The following NXPE4 variants were observed in gnomAD, a reference collection of about 807,000 sequenced individuals.
NXPE4 encodes neurexophilin and PC-esterase domain family member 4, also known as NXPE family member 4.
Under a neutral mutation model 33.3 loss-of-function variants are expected in NXPE4, and 42 were observed. The observed-to-expected ratio is 1.26, with a 90% CI of 0.98 to 1.63. The LOEUF (loss-of-function observed/expected upper bound fraction) is 1.63. Among genes scored for constraint, NXPE4 ranks in the 40% most tolerant of loss-of-function variants. The pLI is 0.00. For synonymous variants in NXPE4, 253 were observed against 234.9 expected (o/e 1.08, Z -0.71); for missense variants, 709 against 647.6 (o/e 1.09, Z -1.03).
chr11:114,613,156 T>C, the NXPE4 span, among the ~76,000 whole-genome samples: 2 of 151,532 alleles, frequency 1.3e-5, no homozygotes, highest in African/African-American at 2.4e-5. Flanking sequence ...ATAACGACTG[T>C]TACCCGATGG....
the NXPE4 span, among the ~76,000 whole-genome samples, chr11:114,602,138 A>G: frequency 9.6e-6 from 1 of 103,732 alleles, no homozygotes; most frequent in African/African-American, 4.0e-5. Context: ...TACATAACAT[A>G]TACTATATAT....
At chr11:114,668,236 G>A in the NXPE4 span, among the ~76,000 whole-genome samples, 1 of 151,988 alleles carries the variant, frequency 6.6e-6, no homozygotes, top group African/African-American at 2.4e-5. Context: ...TAGGATCTAT[G>A]TTAATTAAGG....
At chr11:114,614,419 T>A in the NXPE4 span, among the ~76,000 whole-genome samples, 4 of 151,948 alleles carry the variant, frequency 2.6e-5, no homozygotes, top group Non-Finnish European at 5.9e-5. Flanking sequence ...TGTTACCCAG[T>A]GGATAATAAG....
the NXPE4 span, among the ~76,000 whole-genome samples, chr11:114,653,094 T>G: frequency 6.6e-6 from 1 of 152,200 alleles, no homozygotes; most frequent in Non-Finnish European, 1.5e-5. Flanking sequence ...ATGTATAAAT[T>G]TTCAAAACAA....
In NXPE4 at chr11:114,582,586, AC is replaced by A. The variant is rs764525259; in HGVS notation, c.531del (p.Ser178LeufsTer25). ...FTLFWEGQVS[L>X]SLLLIHPSEG... is the part of the protein sequence containing the mutation. ...TCACTGGGGTGGATGAGCAGCAGAG[AC>A]AGAGAGACCTGGCCCTCCCAGAACA... is the stretch of plus-strand genomic sequence containing the variant. On this transcript the variant is annotated frameshift_variant, in exon 3 of 6. Coordinates refer to ENST00000375478, the MANE Select transcript of NXPE4 (RefSeq NM_001077639.2). LOFTEE classifies it high-confidence loss of function. 2 of 1,614,132 alleles carry A rather than the reference AC, an allele frequency of 1.2e-6. No individual in the cohort carries two copies. The highest frequency in any genetic ancestry group is 2.2e-5 in the South Asian group (2 of 91,072).
the NXPE4 span, among the ~76,000 whole-genome samples, chr11:114,623,667 TG>T: frequency 6.6e-6 from 1 of 151,536 alleles, no homozygotes; most frequent in African/African-American, 2.4e-5. Flanking sequence ...ACTCTTACCA[TG>T]TGGATAATAA....
chr11:114,583,933 G>A (rs952051006), intron 2 of NXPE4: 1 of 390,842 alleles, frequency 2.6e-6, no homozygotes. Context: ...TTAACTATCT[G>A]CTCCTAGATG....
At chr11:114,619,094 A>G in the NXPE4 span, among the ~76,000 whole-genome samples, 1 of 152,042 alleles carries the variant, frequency 6.6e-6, no homozygotes, top group Non-Finnish European at 1.5e-5. Context: ...ATGGGTAACC[A>G]CTGTTGCACT....
upstream of NXPE4, among the ~76,000 whole-genome samples, chr11:114,598,687 TGGAGCAGCTGGGATGCAG>T (rs1224622989): frequency 2.0e-5 from 3 of 152,062 alleles, no homozygotes; most frequent in Admixed American, 2.0e-4. Context: ...TGGCTGGAGC[TGGAGCAGCTGGGATGCAG>T]GGACCAGTGT....
At chr11:114,657,729 T>C in the NXPE4 span, among the ~76,000 whole-genome samples, 2 of 152,150 alleles carry the variant, frequency 1.3e-5, no homozygotes, top group Admixed American at 6.6e-5. Flanking sequence ...ATAAAAGGCT[T>C]CCTTGTACAA....
At chr11:114,655,287 T>A in the NXPE4 span, among the ~76,000 whole-genome samples, 2 of 152,228 alleles carry the variant, frequency 1.3e-5, no homozygotes, top group Admixed American at 1.3e-4. Context: ...TTGTTCACTC[T>A]GATGATAGTT....
chr11:114,593,819 A>G (rs900379786), intron 2 of NXPE4, among the ~76,000 whole-genome samples: 1 of 152,190 alleles, frequency 6.6e-6, no homozygotes, highest in Non-Finnish European at 1.5e-5. Flanking sequence ...TGGTATATAT[A>G]CACAACGGAG....
the NXPE4 span, among the ~76,000 whole-genome samples, chr11:114,605,670 C>T: frequency 1.3e-5 from 2 of 151,790 alleles, no homozygotes; most frequent in East Asian, 3.9e-4. Context: ...ATACATGTTG[C>T]CTCATGTGTA....
chr11:114,585,164 C>CA lies in NXPE4; in HGVS notation c.97-2144dup, dbSNP rs1354356022. Among the ~76,000 whole-genome samples, 6 of 151,940 alleles carry CA rather than the reference C, an allele frequency of 3.9e-5. No individual in the cohort carries two copies. The East Asian group carries it at 1.2e-3, about 30-fold the overall frequency. On this transcript the variant is annotated intron_variant, in intron 2 of 5. Transcript: ENST00000375478. ...GGCCTCAAGTGAGCCAAAAAACTCACACTGCCTGCCATCTGTCTTCCCCCA... is the reference window on the plus strand; with the variant it reads ...GGCCTCAAGTGAGCCAAAAAACTCACAACTGCCTGCCATCTGTCTTCCCCCA...
chr11:114,640,173 A>AACAC, the NXPE4 span, among the ~76,000 whole-genome samples: 12 of 132,170 alleles, frequency 9.1e-5, no homozygotes, highest in Non-Finnish European at 1.4e-4. Flanking sequence ...TATATAAATA[A>AACAC]TTTATATATT....
At chr11:114,662,021 C>T in the NXPE4 span, among the ~76,000 whole-genome samples, 1 of 152,132 alleles carries the variant, frequency 6.6e-6, no homozygotes, top group East Asian at 1.9e-4. Flanking sequence ...ACCCTCTCCA[C>T]CTACCCCCCG....
chr11:114,580,090 T>C, intron 5 of NXPE4, 42 bp downstream of exon 5: 3 of 1,499,574 alleles, frequency 2.0e-6, no homozygotes, highest in Non-Finnish European at 2.8e-6. Context: ...GGAAAAGAAG[T>C]TTCTGAAAGG....
upstream of NXPE4, among the ~76,000 whole-genome samples, chr11:114,597,091 GA>G (rs1949581603): frequency 7.9e-6 from 1 of 126,156 alleles, no homozygotes; most frequent in African/African-American, 3.2e-5. Context: ...TACCATGTGT[GA>G]ATTGGGATAA....
the NXPE4 span, among the ~76,000 whole-genome samples, chr11:114,619,855 C>T: frequency 7.9e-5 from 12 of 151,788 alleles, no homozygotes; most frequent in African/African-American, 2.7e-4. Flanking sequence ...CAGTGTTACC[C>T]GCTGGATAAC....
Sources: gnomAD v4.1 joint callset for allele counts (sites outside exome capture counted in the v4.1 genomes callset) on GRCh38, gnomAD v4.1.1 for gene constraint, MANE v1.5 for transcripts, NCBI Gene and HGNC (gene_info 2026-07-23, HGNC 2026-07-21) for gene names.